Variants in HOOK3 observed in about 807,000 individuals in gnomAD.
HOOK3 encodes the protein protein Hook homolog 3.
Under a neutral mutation model 116.3 loss-of-function variants are expected in HOOK3, and 24 were observed. The ratio of observed to expected loss-of-function variants is 0.21; its 90% CI spans 0.15 to 0.29. The LOEUF is 0.29. HOOK3 is among the 10% of genes least tolerant of loss of function. The pLI is 1.00. For synonymous variants in HOOK3, 275 were observed against 283.0 expected, an observed-to-expected ratio of 0.97 and a Z score of 0.28; for missense variants, 632 against 830.2, an observed-to-expected ratio of 0.76 and a Z score of 2.93.
At chr8:42,958,885 A>G (rs1009686491) in intron 7 of HOOK3, among the ~76,000 whole-genome samples, 5 of 152,106 alleles carry the variant, frequency 3.3e-5, no homozygotes, top group Non-Finnish European at 5.9e-5. Flanking sequence ...TAAAATCCCT[A>G]TTCCCCTAGC....
intron 4 of HOOK3, among the ~76,000 whole-genome samples, chr8:42,939,891 C>A (rs571338342): frequency 6.6e-6 from 1 of 150,568 alleles, no homozygotes; most frequent in South Asian, 2.1e-4. Flanking sequence ...GATGGGCGGC[C>A]GGGCAGAGAC....
At chr8:42,982,161 A>G (rs1808961770) in intron 13 of HOOK3, among the ~76,000 whole-genome samples, 2 of 150,996 alleles carry the variant, frequency 1.3e-5, no homozygotes. Flanking sequence ...AGGCTGAGAC[A>G]AAAGAATTGC....
chr8:42,920,142 C>T (rs992900690), intron 2 of HOOK3, among the ~76,000 whole-genome samples: 1 of 152,114 alleles, frequency 6.6e-6, no homozygotes, highest in Non-Finnish European at 1.5e-5. Context: ...GGAGTTAGGA[C>T]ATAGCGAGCA....
intron 1 of HOOK3, among the ~76,000 whole-genome samples, chr8:42,905,663 C>T (rs771141437): frequency 2.0e-5 from 3 of 151,690 alleles, no homozygotes; most frequent in Non-Finnish European, 4.4e-5. Flanking sequence ...TCTCTTTTAC[C>T]AGTGGGGAAG....
chr8:43,018,956 A>G lies in HOOK3; in HGVS notation c.*458A>G. On this transcript the variant is annotated 3_prime_UTR_variant, in exon 22 of 22. Coordinates refer to ENST00000307602, the MANE Select transcript of HOOK3 (RefSeq NM_032410.4). ...GTGTTTTCAATTGTTTTCCAAGTAC[A>G]GTTCAAATAACTTGCATATTTACTA... 1 of 215,086 alleles carries G rather than the reference A, an allele frequency of 4.6e-6. No individual in the cohort carries two copies. The highest frequency in any genetic ancestry group is 7.1e-5 in the East Asian group (1 of 14,082). The allele number at this position is 215,086 out of a possible 1,614,324, so 13.3% of individuals were successfully genotyped here. A position where few individuals can be genotyped will look rare whatever the true frequency, so the allele number is the denominator to read the frequency against.
chr8:42,994,078 G>A (rs773394512), intron 15 of HOOK3, among the ~76,000 whole-genome samples: 16 of 151,950 alleles, frequency 1.1e-4, no homozygotes, highest in East Asian at 3.9e-4. Flanking sequence ...GTGTAGTGGC[G>A]CGATCTCGGC....
chr8:42,898,844 A>G (rs1807121379), intron 1 of HOOK3, among the ~76,000 whole-genome samples: 1 of 152,258 alleles, frequency 6.6e-6, no homozygotes, highest in Non-Finnish European at 1.5e-5. Context: ...TCCAAACGGT[A>G]GCTTAGCTTG....
At chr8:43,006,836 T>C (rs1392967857) in intron 17 of HOOK3, among the ~76,000 whole-genome samples, 2 of 152,126 alleles carry the variant, frequency 1.3e-5, no homozygotes, top group Non-Finnish European at 2.9e-5. Context: ...TGATTTTCTC[T>C]ATCTTCCCAT....
chr8:42,942,943 T>A (rs1232306774), intron 4 of HOOK3, among the ~76,000 whole-genome samples: 2 of 152,224 alleles, frequency 1.3e-5, no homozygotes, highest in East Asian at 3.8e-4. Context: ...AGTGAGAATC[T>A]TACTGTTGGG....
chr8:43,019,724 G>T lies in HOOK3; in HGVS notation c.*1226G>T. ...GTAAAGCACTTTGTATATATAAGGT[G>T]CTATATAAGTGTGAAATATCATTCA... On this transcript the variant is annotated 3_prime_UTR_variant, in exon 22 of 22. Transcript: ENST00000307602. 4.9e-6 allele frequency: 1 copy of T among 204,530 alleles called. No individual in the cohort carries two copies. The highest frequency in any genetic ancestry group is 7.6e-5 in the East Asian group (1 of 13,108). The allele number at this position is 204,530 out of a possible 1,614,324, so 12.7% of individuals were successfully genotyped here.
chr8:42,898,059 T>C (rs1269947914), intron 1 of HOOK3, among the ~76,000 whole-genome samples: 2 of 152,276 alleles, frequency 1.3e-5, no homozygotes, highest in Non-Finnish European at 2.9e-5. Context: ...ACAGCATTTG[T>C]ATTACTTTTA....
chr8:42,919,678 C>T (rs1449399196), intron 2 of HOOK3, among the ~76,000 whole-genome samples: 5 of 152,330 alleles, frequency 3.3e-5, no homozygotes, highest in Admixed American at 6.5e-5. Flanking sequence ...AGCGAGACTC[C>T]GTCTGCAATC....
chr8:42,950,326 C>A, intron 5 of HOOK3, 62 bp from the exon 6 acceptor site: 1 of 1,060,962 alleles, frequency 9.4e-7, no homozygotes, highest in Non-Finnish European at 1.5e-6. Flanking sequence ...GAAGTATGAG[C>A]CTTGATTCCC....
rs1293772232 is a variant in HOOK3 at position 42,922,545 on chromosome 8, G to C, written c.144-3012G>C. Among the ~76,000 whole-genome samples, 3 of 147,322 alleles carry C rather than the reference G, an allele frequency of 2.0e-5. No individual in the cohort carries two copies. In the East Asian group the frequency reaches 6.1e-4, roughly 30 times the overall value. On this transcript the variant is annotated intron_variant, in intron 2 of 21. Transcript: ENST00000307602. ...TCACTCCAGCCTGGGCAACAGAGTG[G>C]GAACCTGTCTCTTAAAAAAAAAATT...
In HOOK3 at chr8:42,935,730, G is replaced by A. The variant is rs576828613; in HGVS notation, c.267+5558G>A. Reference sequence around the variant, plus strand: ...GTGTGGCATTATTTCTGAGGCCTCTGTTCTGTTCCATTGGTCTGTATATCT... The same window carrying A: ...GTGTGGCATTATTTCTGAGGCCTCTATTCTGTTCCATTGGTCTGTATATCT... On this transcript the variant is annotated intron_variant, in intron 4 of 21. Coordinates refer to ENST00000307602, the MANE Select transcript of HOOK3 (RefSeq NM_032410.4). Among the ~76,000 whole-genome samples the A allele has an allele frequency of 2.0e-5, 3 of 152,264 alleles. No homozygotes were observed. In the South Asian group the frequency reaches 6.2e-4, roughly 32 times the overall value.
chr8:42,939,844 G>T (rs1250705349), intron 4 of HOOK3, among the ~76,000 whole-genome samples: 1 of 151,568 alleles, frequency 6.6e-6, no homozygotes, highest in Non-Finnish European at 1.5e-5. Context: ...CATCCCGGAC[G>T]GGGCGGCAGG....
At position 42,910,860 on chromosome 8, in the gene HOOK3, A is replaced by G. The variant is rs998556683; in HGVS notation, c.143+4602A>G. On this transcript the variant is annotated intron_variant, in intron 2 of 21. Coordinates refer to ENST00000307602, the MANE Select transcript of HOOK3 (RefSeq NM_032410.4). ...CTAAGAGAACAAAACTGTTGTAACA[A>G]GTGGTACAGAGAAGTACACAATGTT... Among the ~76,000 whole-genome samples, 4 of 152,260 alleles carry G rather than the reference A, an allele frequency of 2.6e-5. No individual in the cohort carries two copies. In the South Asian group the frequency reaches 8.3e-4, roughly 31 times the overall value.
Position 42,943,471 on chromosome 8 carries a change from C to T in HOOK3, c.400+26C>T, listed in dbSNP as rs1416546995. The T allele has an allele frequency of 1.0e-5, 14 of 1,387,310 alleles. No homozygotes were observed. In the East Asian group the frequency reaches 2.1e-4, roughly 21 times the overall value. 85.9% of individuals were successfully genotyped at this position (1,387,310 alleles called of 1,614,324 possible). On this transcript the variant is annotated intron_variant, in intron 5 of 21. Transcript: ENST00000307602. ...GTAATTTGTTTCAAGTTAGTGTTTG[C>T]ATTTAAAATAATGAAGGAAAGTAGT...
At position 43,022,392 on chromosome 8, in the gene HOOK3, G is replaced by A. The variant is rs1315749026; in HGVS notation, c.*3894G>A. 4.9e-6 allele frequency: 1 copy of A among 204,592 alleles called. No homozygotes were observed. Among genetic ancestry groups the A allele is most frequent in the Non-Finnish European group, 1.0e-5 (1 of 99,944 alleles). 12.7% of individuals were successfully genotyped at this position (204,592 alleles called of 1,614,324 possible). On this transcript the variant is annotated 3_prime_UTR_variant, in exon 22 of 22. Transcript: ENST00000307602. Reference sequence around the variant, plus strand: ...TGGCTTGTGCAGTGGAGCTTGTCCAGGCACCAGCATGGAGCAAGTACAGGG... The same window carrying A: ...TGGCTTGTGCAGTGGAGCTTGTCCAAGCACCAGCATGGAGCAAGTACAGGG...
Sources: allele counts gnomAD v4.1 joint callset (sites outside exome capture counted in the v4.1 genomes callset), GRCh38; gene constraint gnomAD v4.1.1; transcripts MANE v1.5; gene names NCBI Gene and HGNC (gene_info 2026-07-23, HGNC 2026-07-21).